OTUD7B: variants seen among roughly 807,000 people sequenced by gnomAD.
The protein encoded by OTUD7B is OTU deubiquitinase 7B, also known as OTU domain-containing protein 7B.
A neutral mutation model predicts 82.2 loss-of-function variants in OTUD7B; 34 were observed. The ratio of observed to expected loss-of-function variants is 0.41; its 90% CI spans 0.31 to 0.55. OTUD7B has a LOEUF of 0.55. Ranked by LOEUF, OTUD7B falls within the 20% of genes least tolerant of loss-of-function variation. The pLI is 0.20. For missense variants in OTUD7B, 944 were observed against 1,062.1 expected, an observed-to-expected ratio of 0.89 and a Z score of 1.55; for synonymous variants, 398 against 402.7, an observed-to-expected ratio of 0.99 and a Z score of 0.14.
chr1:150,021,397 A>G, the OTUD7B span, among the ~76,000 whole-genome samples: 31 of 152,160 alleles, frequency 2.0e-4, no homozygotes, highest in African/African-American at 7.2e-4. Context: ...ATGTAAAACT[A>G]TATTTGGGGA....
At chr1:150,008,269 A>T (rs1315868949) in intron 1 of OTUD7B, among the ~76,000 whole-genome samples, 1 of 152,248 alleles carries the variant, frequency 6.6e-6, no homozygotes, top group African/African-American at 2.4e-5. Context: ...CCCAGATATC[A>T]TCACTAATAT....
At position 149,943,632 on chromosome 1, in the gene OTUD7B, G is replaced by C; in HGVS notation, c.*225C>G. Reference sequence around the variant, plus strand: ...CCCCTTGTACCTCAAACCTCATCAAGTCAAGCTCTGCAGAGGAATAGTACA... The same window carrying C: ...CCCCTTGTACCTCAAACCTCATCAACTCAAGCTCTGCAGAGGAATAGTACA... On this transcript the variant is annotated 3_prime_UTR_variant, in exon 12 of 12. Transcript: ENST00000581312. 1.8e-6 allele frequency: 1 copy of C among 560,122 alleles called. No individual in the cohort carries two copies. The highest frequency in any genetic ancestry group is 4.8e-4 in the Middle Eastern group (1 of 2,082). 34.7% of individuals were successfully genotyped at this position (560,122 alleles called of 1,614,324 possible). A position where few individuals can be genotyped will look rare whatever the true frequency, so the allele number is the denominator to read the frequency against.
At chr1:149,985,371 C>CA (rs1411939684) in intron 1 of OTUD7B, among the ~76,000 whole-genome samples, 1 of 151,936 alleles carries the variant, frequency 6.6e-6, no homozygotes, top group Non-Finnish European at 1.5e-5. Context: ...CATGCGACTG[C>CA]ACTCCAGCTT....
At chr1:150,024,363 A>G in the OTUD7B span, among the ~76,000 whole-genome samples, 1 of 152,184 alleles carries the variant, frequency 6.6e-6, no homozygotes, top group Non-Finnish European at 1.5e-5. Context: ...GAAGGATCTC[A>G]CAGACTTATG....
Position 149,944,769 on chromosome 1 carries a change from T to C in OTUD7B, c.1620A>G (p.Gly540=), listed in dbSNP as rs782694713. The change falls in exon 12 of 12, where the codon GGA becomes GGG. Residue 540 remains glycine, a synonymous_variant. Coordinates refer to ENST00000581312, the MANE Select transcript of OTUD7B (RefSeq NM_020205.4). ...CCAGTGTCTCAGTGCCGCTGCTTCC[T>C]CCCAACCCTGTCCCCACCCCTCCAG... ...SKPGGVGTGL[G]GSSGTETLEK... 39 of 1,613,882 alleles carry C rather than the reference T, an allele frequency of 2.4e-5. No homozygotes were observed. In the Middle Eastern group the frequency reaches 6.6e-4, roughly 27 times the overall value.
intron 1 of OTUD7B, among the ~76,000 whole-genome samples, chr1:150,003,390 T>C (rs973002349): frequency 6.6e-6 from 1 of 152,188 alleles, no homozygotes; most frequent in African/African-American, 2.4e-5. Flanking sequence ...TTTAAGCTTT[T>C]GTTCATGGTA....
chr1:149,994,912 T>C (rs1373750113), intron 1 of OTUD7B, among the ~76,000 whole-genome samples: 10 of 152,212 alleles, frequency 6.6e-5, no homozygotes, highest in African/African-American at 1.2e-4. Flanking sequence ...TCCCCTTAAA[T>C]GCTAGGTCTA....
intron 1 of OTUD7B, among the ~76,000 whole-genome samples, chr1:150,001,983 C>T (rs1235815211): frequency 6.6e-6 from 1 of 152,170 alleles, no homozygotes; most frequent in Non-Finnish European, 1.5e-5. Context: ...AAAATCCAAA[C>T]TCTCACTTAG....
rs1647502832 is a variant in OTUD7B, at chr1:149,944,237, C to CCCCT, written c.2148_2151dup (p.Gly718ArgfsTer40). On this transcript the variant is annotated frameshift_variant, in exon 12 of 12. Coordinates refer to ENST00000581312, the MANE Select transcript of OTUD7B (RefSeq NM_020205.4). LOFTEE classifies it high-confidence loss of function. ...GGTGGTAGGCCCCCGACACATGGAC[C>CCCCT]CCCTGCCAACTGCCTCCGGGGTTCC... 1.2e-6 allele frequency: 2 copies of CCCCT among 1,612,536 alleles called. No individual in the cohort carries two copies.
At chr1:150,020,362 C>G in the OTUD7B span, among the ~76,000 whole-genome samples, 1 of 152,052 alleles carries the variant, frequency 6.6e-6, no homozygotes, top group Admixed American at 6.5e-5. Context: ...ATGGTGAAAC[C>G]CTGTCTCTAT....
chr1:149,941,857 CT>C lies in OTUD7B; in HGVS notation c.*1999del, dbSNP rs1418463353. On this transcript the variant is annotated 3_prime_UTR_variant, in exon 12 of 12. Transcript: ENST00000581312. ...TTTTGCAACTTAGGGGAGTGCTCAT[CT>C]CATACCAGGTTCCAGACCTGCCTAG... 1 of 152,154 alleles carries C rather than the reference CT, an allele frequency of 6.6e-6. No individual in the cohort carries two copies. The highest frequency in any genetic ancestry group is 1.5e-5 in the Non-Finnish European group (1 of 68,034). The allele number at this position is 152,154 out of a possible 1,614,324, so 9.4% of individuals were successfully genotyped here.
At chr1:149,980,981 C>T (rs1349714431) in intron 1 of OTUD7B, among the ~76,000 whole-genome samples, 1 of 146,284 alleles carries the variant, frequency 6.8e-6, no homozygotes, top group African/African-American at 2.5e-5. Flanking sequence ...TGCCCCTACT[C>T]TTCAGGCTGG....
At chr1:149,997,901 C>T (rs16833002) in intron 1 of OTUD7B, among the ~76,000 whole-genome samples, 3,314 of 152,162 alleles carry the variant, frequency 0.022, 131 homozygotes, top group African/African-American at 0.076. Flanking sequence ...AAAGAACGGA[C>T]GATACACACC....
the OTUD7B span, among the ~76,000 whole-genome samples, chr1:150,055,852 A>C: frequency 6.6e-6 from 1 of 152,162 alleles, no homozygotes; most frequent in Non-Finnish European, 1.5e-5. Context: ...ATGAACACAA[A>C]GAAGGAAACA....
the OTUD7B span, among the ~76,000 whole-genome samples, chr1:150,035,231 C>A: frequency 6.6e-6 from 1 of 151,898 alleles, no homozygotes; most frequent in Non-Finnish European, 1.5e-5. Context: ...AAGACCAACA[C>A]TTGACAGCTT....
chr1:150,030,564 CAAAT>C, the OTUD7B span, among the ~76,000 whole-genome samples: 7 of 152,194 alleles, frequency 4.6e-5, no homozygotes, highest in Non-Finnish European at 4.4e-5. Flanking sequence ...CATTTTAAAA[CAAAT>C]AAAGCAAAAG....
intron 7 of OTUD7B, among the ~76,000 whole-genome samples, chr1:149,956,555 T>C (rs1418513907): frequency 1.3e-5 from 2 of 152,192 alleles, no homozygotes; most frequent in African/African-American, 4.8e-5. Context: ...GCGTTCTCTG[T>C]ATTCCCTGAA....
At chr1:149,973,340 C>T (rs1553777961) in intron 2 of OTUD7B, among the ~76,000 whole-genome samples, 1 of 152,212 alleles carries the variant, frequency 6.6e-6, no homozygotes, top group Non-Finnish European at 1.5e-5. Context: ...GGGAGGCTCA[C>T]TTGAGCTCAG....
At chr1:150,054,107 A>G in the OTUD7B span, 1 of 383,582 alleles carries the variant, frequency 2.6e-6, no homozygotes, top group Non-Finnish European at 4.8e-6. Flanking sequence ...CAAGGTTGAA[A>G]AGCAAAAGGA....
Sources: gnomAD v4.1 joint callset for allele counts (sites outside exome capture counted in the v4.1 genomes callset) on GRCh38, gnomAD v4.1.1 for gene constraint, MANE v1.5 for transcripts, NCBI Gene and HGNC (gene_info 2026-07-23, HGNC 2026-07-21) for gene names.